The following MYCBP2 variants were observed in gnomAD, a reference collection of about 807,000 sequenced individuals.
The protein encoded by MYCBP2 is MYC binding protein 2.
In MYCBP2, 120 loss-of-function variants were observed where a neutral mutation model predicts 525.3. The observed-to-expected ratio is 0.23, with a 90% CI of 0.20 to 0.27. MYCBP2 has a LOEUF of 0.27. MYCBP2 is among the 10% of genes least tolerant of loss of function. MYCBP2 has a pLI of 1.00. For synonymous variants in MYCBP2, 1,894 were observed against 1,955.8 expected (o/e 0.97, Z 0.83); for missense variants, 4,149 against 5,657.1 (o/e 0.73, Z 8.55).
At chr13:77,145,019 CG>C (rs1566696890) in intron 48 of MYCBP2, among the ~76,000 whole-genome samples, 1 of 152,150 alleles carries the variant, frequency 6.6e-6, no homozygotes, top group Non-Finnish European at 1.5e-5. Context: ...TGAATCATTT[CG>C]ATTAGCACAC....
chr13:77,088,174 A>G (rs532331069), intron 61 of MYCBP2, among the ~76,000 whole-genome samples: 2 of 152,296 alleles, frequency 1.3e-5, no homozygotes, highest in East Asian at 3.9e-4. Flanking sequence ...AACAGGAAAA[A>G]TAATTTATAA....
intron 20 of MYCBP2, among the ~76,000 whole-genome samples, chr13:77,223,889 C>T (rs1402481387): frequency 3.3e-5 from 5 of 151,766 alleles, no homozygotes; most frequent in Non-Finnish European, 7.4e-5. Context: ...GCTGCACGAT[C>T]ATGTCACGAA....
In MYCBP2 at chr13:77,122,562, G is replaced by A. The variant is rs12100065; in HGVS notation, c.8018-1067C>T. ...AAATTAGCCGGGCGTGGTGGCCGGC[G>A]CCTGTAGTCCCAGCTACTCAGAGAG... On this transcript the variant is annotated intron_variant, in intron 54 of 82. Coordinates refer to ENST00000544440, the MANE Select transcript of MYCBP2 (RefSeq NM_015057.5). Among the ~76,000 whole-genome samples the A allele has an allele frequency of 6.3e-3, 957 of 151,854 alleles. 9 individuals are homozygous for A. The highest frequency in any genetic ancestry group is 0.021 in the African/African-American group (880 of 41,434).
intron 59 of MYCBP2, among the ~76,000 whole-genome samples, chr13:77,090,940 C>G (rs2045295862): frequency 6.6e-6 from 1 of 152,114 alleles, no homozygotes; most frequent in Non-Finnish European, 1.5e-5. Flanking sequence ...CCTTTATTGA[C>G]ACATTTTATA....
intron 70 of MYCBP2, 64 bp from the exon 71 acceptor site, chr13:77,067,928 T>C: frequency 1.4e-6 from 2 of 1,473,068 alleles, no homozygotes; most frequent in Non-Finnish European, 1.8e-6. Flanking sequence ...TTTCTTTTAT[T>C]TCTCTTTTCT....
chr13:77,095,627 A>T, intron 57 of MYCBP2, 25 bp from the exon 58 acceptor site: 1 of 1,604,048 alleles, frequency 6.2e-7, no homozygotes, highest in Non-Finnish European at 8.5e-7. Context: ...AATCAAACTA[A>T]TCTTTTCTGA....
At position 77,081,119 on chromosome 13, in the gene MYCBP2, C is replaced by T. The variant is rs981248805; in HGVS notation, c.11418+308G>A. On this transcript the variant is annotated intron_variant, in intron 65 of 82. Coordinates refer to ENST00000544440, the MANE Select transcript of MYCBP2 (RefSeq NM_015057.5). This position sits in a 1 kb window ranked among gnomAD's most constrained non-coding sequence, Gnocchi z 4.6. ...TGATCAGCAGAGTTTAAGGGGAGGACTTCCAGGTCACGGGAAAATCTTAAC... is the reference window on the plus strand; with the variant it reads ...TGATCAGCAGAGTTTAAGGGGAGGATTTCCAGGTCACGGGAAAATCTTAAC... 2 of 278,414 alleles carry T rather than the reference C, an allele frequency of 7.2e-6. No individual in the cohort carries two copies. Among genetic ancestry groups the T allele is most frequent in the Non-Finnish European group, 1.3e-5 (2 of 149,162 alleles). 17.2% of individuals were successfully genotyped at this position (278,414 alleles called of 1,614,324 possible).
chr13:77,219,674 G>C lies in MYCBP2; in HGVS notation c.2940-1717C>G, dbSNP rs551689824. Among the ~76,000 whole-genome samples, 3 of 152,180 alleles carry C rather than the reference G, an allele frequency of 2.0e-5. No individual in the cohort carries two copies. In the South Asian group the frequency reaches 6.2e-4, roughly 32 times the overall value. On this transcript the variant is annotated intron_variant, in intron 20 of 82. Coordinates refer to ENST00000544440, the MANE Select transcript of MYCBP2 (RefSeq NM_015057.5). ...GGTATGGATGGAAGTAGGTTTGCAG[G>C]GTTGGTGGGCTGAATAATTTCTTAC...
intron 45 of MYCBP2, among the ~76,000 whole-genome samples, chr13:77,157,086 A>C (rs2057297910): frequency 6.6e-6 from 1 of 152,158 alleles, no homozygotes; most frequent in Admixed American, 6.6e-5. Flanking sequence ...AATTTAATTT[A>C]ATTAGTTAAT....
At chr13:77,203,838 G>A (rs2062942372) in intron 26 of MYCBP2, among the ~76,000 whole-genome samples, 1 of 151,936 alleles carries the variant, frequency 6.6e-6, no homozygotes, top group South Asian at 2.1e-4. Context: ...AAACTGGCTA[G>A]CCATATGTAG....
intron 47 of MYCBP2, 55 bp downstream of exon 47, chr13:77,150,679 G>T: frequency 6.9e-7 from 1 of 1,451,774 alleles, no homozygotes. Context: ...TGAAATGTTG[G>T]TTAAATAAAC....
chr13:77,156,671 C>T (rs2057247798), intron 45 of MYCBP2, among the ~76,000 whole-genome samples: 1 of 152,148 alleles, frequency 6.6e-6, no homozygotes, highest in Admixed American at 6.5e-5. Context: ...AGGTGTACTG[C>T]CCATCTTTTT....
chr13:77,062,806 A>C, intron 73 of MYCBP2, 109 bp from the exon 74 acceptor site: 1 of 815,176 alleles, frequency 1.2e-6, no homozygotes, highest in Non-Finnish European at 2.0e-6. Flanking sequence ...TTTTGAAAAT[A>C]CATAGATACT....
chr13:77,088,721 T>C, intron 61 of MYCBP2, 111 bp downstream of exon 61: 1 of 863,400 alleles, frequency 1.2e-6, no homozygotes. Context: ...AATTGGCTAA[T>C]GCCTTTTAAT....
At chr13:77,199,327 T>C (rs2062157351) in intron 26 of MYCBP2, among the ~76,000 whole-genome samples, 1 of 152,252 alleles carries the variant, frequency 6.6e-6, no homozygotes, top group Non-Finnish European at 1.5e-5. Context: ...TACTGCACTT[T>C]TCTGACGGGC....
intron 3 of MYCBP2, among the ~76,000 whole-genome samples, chr13:77,286,030 C>G (rs2076721590): frequency 6.6e-6 from 1 of 152,108 alleles, no homozygotes; most frequent in Non-Finnish European, 1.5e-5. Flanking sequence ...GTGAAGATGG[C>G]TGATCAAGAA....
At chr13:77,246,753 T>A (rs1055160685) in intron 15 of MYCBP2, among the ~76,000 whole-genome samples, 2 of 151,374 alleles carry the variant, frequency 1.3e-5, no homozygotes, top group Non-Finnish European at 2.9e-5. Flanking sequence ...CAAAACAAAT[T>A]CAGCAGGATA....
At chr13:77,053,087 G>T (rs562456299) in intron 80 of MYCBP2, among the ~76,000 whole-genome samples, 2 of 151,586 alleles carry the variant, frequency 1.3e-5, no homozygotes, top group South Asian at 4.2e-4. Flanking sequence ...GCAGTAAGCT[G>T]AGATCATGCC....
intron 49 of MYCBP2, 64 bp from the exon 50 acceptor site, chr13:77,141,007 A>T: frequency 1.7e-6 from 2 of 1,174,784 alleles, no homozygotes; most frequent in East Asian, 2.4e-5. Flanking sequence ...CCTTAAACCT[A>T]ATCTTATAAA....
Sources: allele counts gnomAD v4.1 joint callset (sites outside exome capture counted in the v4.1 genomes callset), GRCh38; gene constraint gnomAD v4.1.1; non-coding constraint Gnocchi (gnomAD v3.1); transcripts MANE v1.5; gene names NCBI Gene and HGNC (gene_info 2026-07-23, HGNC 2026-07-21).